TNS1: variants seen among roughly 807,000 people sequenced by gnomAD.
TNS1 encodes tensin-1.
A neutral mutation model predicts 168.6 loss-of-function variants in TNS1; 62 were observed. The ratio of observed to expected loss-of-function variants is 0.37; its 90% CI spans 0.30 to 0.45. TNS1 has a LOEUF of 0.45. Ranked by LOEUF, TNS1 falls within the 20% of genes least tolerant of loss-of-function variation. TNS1 has a pLI of 1.00. For missense variants in TNS1, 2,240 were observed against 2,339.4 expected (o/e 0.96, Z 0.88); for synonymous variants, 934 against 933.2 (o/e 1.00, Z -0.02).
chr2:217,856,311 G>T (rs1196569687), intron 18 of TNS1, among the ~76,000 whole-genome samples: 1 of 152,184 alleles, frequency 6.6e-6, no homozygotes, highest in Non-Finnish European at 1.5e-5. Context: ...GCCCCGTGGA[G>T]AACCCCAGCA....
chr2:217,901,742 G>T (rs1368784691), intron 6 of TNS1: 1 of 152,258 alleles, frequency 6.6e-6, no homozygotes, highest in Admixed American at 6.5e-5. Context: ...CGGCCAGGCA[G>T]GATTCACACT....
intron 21 of TNS1, among the ~76,000 whole-genome samples, chr2:217,833,393 G>A (rs530094130): frequency 7.2e-5 from 11 of 152,290 alleles, no homozygotes; most frequent in Middle Eastern, 3.4e-3. Context: ...AATTCCACAC[G>A]TTTCTCCACC....
intron 3 of TNS1, among the ~76,000 whole-genome samples, chr2:217,923,968 C>T (rs1347266074): frequency 6.6e-6 from 1 of 152,302 alleles, no homozygotes; most frequent in Admixed American, 6.5e-5. Context: ...AGGGCACACC[C>T]GTGCAGACTC....
chr2:217,810,025 A>G (rs762021982), intron 29 of TNS1, 34 bp from the exon 30 acceptor site: 4 of 1,605,076 alleles, frequency 2.5e-6, no homozygotes, highest in Non-Finnish European at 3.4e-6. Flanking sequence ...GAGTCATGGG[A>G]GCTGGCGTGG....
At chr2:217,963,086 T>A (rs1435967504) in intron 3 of TNS1, among the ~76,000 whole-genome samples, 1 of 152,204 alleles carries the variant, frequency 6.6e-6, no homozygotes, top group East Asian at 1.9e-4. Flanking sequence ...AAACTTGGGT[T>A]CTAAGGAAGG....
chr2:217,821,619 C>T, intron 23 of TNS1, 121 bp downstream of exon 23: 1 of 999,840 alleles, frequency 1.0e-6, no homozygotes, highest in Non-Finnish European at 1.4e-6. Context: ...AAGGTACCGC[C>T]ATCTGGGTAT....
intron 3 of TNS1, among the ~76,000 whole-genome samples, chr2:217,950,870 C>T (rs1046511861): frequency 2.6e-5 from 4 of 151,866 alleles, no homozygotes; most frequent in African/African-American, 4.8e-5. Flanking sequence ...TCCATCTCCC[C>T]GAGCCCATCC....
At chr2:217,825,807 C>A (rs1574651804) in intron 22 of TNS1, among the ~76,000 whole-genome samples, 1 of 152,186 alleles carries the variant, frequency 6.6e-6, no homozygotes, top group African/African-American at 2.4e-5. Context: ...GTATTAGAAA[C>A]CCTGAGATGG....
At chr2:218,016,262 T>A (rs1958759241) in intron 1 of TNS1, among the ~76,000 whole-genome samples, 1 of 151,940 alleles carries the variant, frequency 6.6e-6, no homozygotes, top group Non-Finnish European at 1.5e-5. Context: ...GAGTTAAAGC[T>A]CCCAGTCCTG....
In TNS1 at chr2:218,023,704, C is replaced by T. The variant is rs1318655172; in HGVS notation, c.156+10116G>A. Among the ~76,000 whole-genome samples, 7 of 152,212 alleles carry T rather than the reference C, an allele frequency of 4.6e-5. No individual in the cohort carries two copies. The South Asian group carries it at 6.2e-4, about 13-fold the overall frequency. ...CATTCCCATTTTCCAGATGAGGAAA[C>T]GGAGGCTCACAGTATCAGTCGGTGG... On this transcript the variant is annotated intron_variant, in intron 1 of 1. Transcript: ENST00000649572.
chr2:217,823,059 G>T (rs1943116374), intron 22 of TNS1, among the ~76,000 whole-genome samples: 1 of 152,194 alleles, frequency 6.6e-6, no homozygotes, highest in Non-Finnish European at 1.5e-5. Flanking sequence ...TCCCTCAGGA[G>T]GCCAGGCCCC....
chr2:217,893,881 G>A (rs549758921), intron 9 of TNS1, among the ~76,000 whole-genome samples: 1 of 152,296 alleles, frequency 6.6e-6, no homozygotes, highest in South Asian at 2.1e-4. Flanking sequence ...AAAAAGAAAG[G>A]CTTGGAGCTG....
chr2:217,827,570 G>A (rs1033313869), intron 22 of TNS1, among the ~76,000 whole-genome samples: 1 of 152,206 alleles, frequency 6.6e-6, no homozygotes, highest in Non-Finnish European at 1.5e-5. Context: ...CCAGGGCACG[G>A]TGCCTGCAGG....
At chr2:217,877,389 A>C (rs570591399) in intron 18 of TNS1, among the ~76,000 whole-genome samples, 22 of 152,312 alleles carry the variant, frequency 1.4e-4, no homozygotes, top group African/African-American at 5.3e-4. Flanking sequence ...TCAACTCCAC[A>C]TCTTGTCTCA....
intron 18 of TNS1, among the ~76,000 whole-genome samples, chr2:217,872,061 C>T (rs1227658467): frequency 3.3e-5 from 5 of 152,254 alleles, no homozygotes; most frequent in Non-Finnish European, 4.4e-5. Context: ...CTTCGTTGGA[C>T]GAAGTCCTTA....
chr2:217,974,595 C>G (rs530815763), intron 3 of TNS1, among the ~76,000 whole-genome samples: 18 of 152,306 alleles, frequency 1.2e-4, no homozygotes, highest in Admixed American at 5.2e-4. Flanking sequence ...CCTCTACCAG[C>G]AGGAACATTT....
chr2:217,819,731 AC>A, intron 23 of TNS1, among the ~76,000 whole-genome samples: 1 of 152,160 alleles, frequency 6.6e-6, no homozygotes, highest in Non-Finnish European at 1.5e-5. Context: ...CTCCTTCTAG[AC>A]CCAAATTTCT....
At chr2:217,832,962 AC>A (rs1944653758) in intron 21 of TNS1, among the ~76,000 whole-genome samples, 1 of 152,104 alleles carries the variant, frequency 6.6e-6, no homozygotes. Flanking sequence ...ACATAGACAC[AC>A]ACAGATTCTG....
chr2:217,899,015 A>G (rs533225365), intron 7 of TNS1, among the ~76,000 whole-genome samples: 1 of 152,302 alleles, frequency 6.6e-6, no homozygotes, highest in African/African-American at 2.4e-5. Context: ...CTTTCACCAC[A>G]GCGGGATAAA....
Sources: allele counts gnomAD v4.1 joint callset (sites outside exome capture counted in the v4.1 genomes callset), GRCh38; gene constraint gnomAD v4.1.1; transcripts MANE v1.5; gene names NCBI Gene and HGNC (gene_info 2026-07-23, HGNC 2026-07-21).